DCLK2: variants seen among roughly 807,000 people sequenced by gnomAD.
DCLK2 encodes the protein doublecortin like kinase 2.
A neutral mutation model predicts 78.4 loss-of-function variants in DCLK2; 31 were observed. That is an observed-to-expected ratio of 0.40 (90% CI 0.30 to 0.53). The LOEUF is 0.53. DCLK2 is among the 20% of genes least tolerant of loss of function. DCLK2 has a pLI of 0.61. For synonymous variants in DCLK2, 407 were observed against 374.9 expected (o/e 1.09, Z -0.99); for missense variants, 872 against 973.7 (o/e 0.90, Z 1.39).
intron 2 of DCLK2, among the ~76,000 whole-genome samples, chr4:150,190,294 GATA>G (rs1560851165): frequency 4.9e-4 from 70 of 144,256 alleles, no homozygotes; most frequent in African/African-American, 1.9e-3. Flanking sequence ...TAGATAGATA[GATA>G]GGCAGACAGA....
intron 1 of DCLK2, among the ~76,000 whole-genome samples, chr4:150,080,962 G>A (rs1462189054): frequency 6.6e-6 from 1 of 152,338 alleles, no homozygotes; most frequent in African/African-American, 2.4e-5. Context: ...AGTAAAAAAG[G>A]AAGATACAAT....
intron 2 of DCLK2, among the ~76,000 whole-genome samples, chr4:150,172,760 T>TTTGGGGG (rs762854376): frequency 8.0e-6 from 1 of 125,004 alleles, no homozygotes; most frequent in Admixed American, 8.1e-5. Context: ...TTTTTTTTTT[T>TTTGGGGG]GGGGGGGGGG....
Position 150,249,655 on chromosome 4 carries a change from A to C in DCLK2, c.2044A>C (p.Ser682Arg). ...TAATAATGCGCTCCCCAAACAGAAC[A>C]GCACTACCACCGGGGTCTCCGTCAT... ...HFNNALPKQN[S>R]TTTGVSVIMN... Residue 682 changes from serine (S) to arginine (R), a missense_variant, in exon 15 of 16, where the codon AGC (serine) becomes CGC (arginine). Transcript: ENST00000296550. The C allele has an allele frequency of 6.2e-7, 1 of 1,613,740 alleles. No homozygotes were observed. The highest frequency in any genetic ancestry group is 1.1e-5 in the South Asian group (1 of 91,084).
At chr4:150,144,949 G>A (rs1198542762) in intron 2 of DCLK2, among the ~76,000 whole-genome samples, 1 of 152,144 alleles carries the variant, frequency 6.6e-6, no homozygotes, top group Non-Finnish European at 1.5e-5. Flanking sequence ...TGAATCTGTA[G>A]TTTGCTTTGG....
chr4:150,178,591 T>G (rs1198876811), intron 2 of DCLK2, among the ~76,000 whole-genome samples: 1 of 152,156 alleles, frequency 6.6e-6, no homozygotes, highest in Non-Finnish European at 1.5e-5. Flanking sequence ...AAATGAAAAT[T>G]TAGATTCCTT....
In DCLK2 at chr4:150,227,579, C is replaced by T. The variant is rs137934147; in HGVS notation, c.1299+3021C>T. Among the ~76,000 whole-genome samples, 273 of 152,280 alleles carry T rather than the reference C, an allele frequency of 1.8e-3. 2 individuals carry two copies. In the East Asian group the frequency reaches 0.019, roughly 11 times the overall value. On this transcript the variant is annotated intron_variant, in intron 8 of 15. Coordinates refer to ENST00000296550, the MANE Select transcript of DCLK2 (RefSeq NM_001040260.4). ...GCAAAGGCCCAGAGGACAGAAAGCA[C>T]GTTGGGCCCTTCTAAGTAGGAGATT...
At chr4:150,085,377 T>C (rs1729568367) in intron 1 of DCLK2, among the ~76,000 whole-genome samples, 1 of 152,174 alleles carries the variant, frequency 6.6e-6, no homozygotes, top group African/African-American at 2.4e-5. Context: ...CTGGCATCTG[T>C]TGAGGGTCAT....
At chr4:150,169,924 G>A (rs777215138) in intron 2 of DCLK2, among the ~76,000 whole-genome samples, 8 of 152,150 alleles carry the variant, frequency 5.3e-5, no homozygotes, top group Non-Finnish European at 1.2e-4. Context: ...CAGAACAGCC[G>A]CAGGCCAAAT....
At chr4:150,162,495 G>A (rs116663869) in intron 2 of DCLK2, among the ~76,000 whole-genome samples, 3 of 152,068 alleles carry the variant, frequency 2.0e-5, no homozygotes, top group Admixed American at 6.5e-5. Context: ...CCCATGTTGT[G>A]AAAGATCAGA....
chr4:150,240,769 G>GAAAAAAAAAAAAAA (rs34362156), intron 12 of DCLK2, among the ~76,000 whole-genome samples: 1 of 136,872 alleles, frequency 7.3e-6, no homozygotes, highest in Non-Finnish European at 1.5e-5. Flanking sequence ...AAAAGAAAAA[G>GAAAAAAAAAAAAAA]AAAAAAAAAA....
chr4:150,145,821 G>T (rs938209603), intron 2 of DCLK2, among the ~76,000 whole-genome samples: 8 of 152,148 alleles, frequency 5.3e-5, no homozygotes, highest in African/African-American at 1.9e-4. Flanking sequence ...TGCAAAGCTT[G>T]TATTTCTTCT....
chr4:150,248,457 T>C (rs1743496971), intron 14 of DCLK2, 72 bp downstream of exon 14: 8 of 1,255,338 alleles, frequency 6.4e-6, no homozygotes, highest in Admixed American at 1.7e-5. Flanking sequence ...CTCACTGTGA[T>C]GTTTGCACAT....
At chr4:150,119,035 CAATAATAATAT>C (rs1040247720) in intron 2 of DCLK2, among the ~76,000 whole-genome samples, 14 of 53,980 alleles carry the variant, frequency 2.6e-4, no homozygotes, top group South Asian at 6.6e-4. Context: ...CTCAAAATAA[CAATAATAATAT>C]AATAATAATA....
intron 1 of DCLK2, among the ~76,000 whole-genome samples, chr4:150,100,576 C>G (rs1338311116): frequency 6.6e-6 from 1 of 152,004 alleles, no homozygotes; most frequent in Non-Finnish European, 1.5e-5. Flanking sequence ...TTTTTCTCTT[C>G]CATCTTATAT....
chr4:150,198,676 A>G (rs928656233), intron 4 of DCLK2, among the ~76,000 whole-genome samples: 3 of 152,196 alleles, frequency 2.0e-5, no homozygotes, highest in African/African-American at 7.2e-5. Context: ...TTAAACATTA[A>G]AAACATACAT....
chr4:150,222,806 C>T (rs763129632), intron 7 of DCLK2, among the ~76,000 whole-genome samples: 8 of 151,248 alleles, frequency 5.3e-5, no homozygotes, highest in Non-Finnish European at 1.2e-4. Context: ...GCAGAGGTTG[C>T]GGTGAGCCGA....
intron 2 of DCLK2, among the ~76,000 whole-genome samples, chr4:150,137,133 C>G (rs914423965): frequency 1.3e-5 from 2 of 151,950 alleles, no homozygotes; most frequent in Non-Finnish European, 2.9e-5. Flanking sequence ...GCGTGGGCCA[C>G]CATGCCCAGT....
chr4:150,101,482 A>C (rs927602951), intron 1 of DCLK2, among the ~76,000 whole-genome samples: 3 of 152,068 alleles, frequency 2.0e-5, no homozygotes, highest in Non-Finnish European at 4.4e-5. Flanking sequence ...GTTCATGTTA[A>C]TATTGTTAAC....
intron 2 of DCLK2, among the ~76,000 whole-genome samples, chr4:150,159,386 C>T (rs1425393789): frequency 2.0e-5 from 3 of 152,224 alleles, no homozygotes; most frequent in Non-Finnish European, 4.4e-5. Flanking sequence ...TGGATGTCCC[C>T]AAAGGTGGCT....
Sources: gnomAD v4.1 joint callset for allele counts (sites outside exome capture counted in the v4.1 genomes callset) on GRCh38, gnomAD v4.1.1 for gene constraint, MANE v1.5 for transcripts, NCBI Gene and HGNC (gene_info 2026-07-23, HGNC 2026-07-21) for gene names.